The following NXPE2 variants were observed in gnomAD, a reference collection of about 807,000 sequenced individuals.
The protein encoded by NXPE2 is neurexophilin and PC-esterase domain family member 2, also known as NXPE family member 2.
In NXPE2, 34 loss-of-function variants were observed where a neutral mutation model predicts 34.4. The observed-to-expected ratio is 0.99, with a 90% confidence interval of 0.75 to 1.31. NXPE2 has a LOEUF of 1.31. Ranked by LOEUF, NXPE2 falls within the 40% of genes most tolerant of loss-of-function variation. The probability of loss-of-function intolerance (pLI) is 0.00; values close to 1 mark genes in which losing one functional copy is unlikely to be tolerated. For missense variants in NXPE2, 649 were observed against 672.5 expected (o/e 0.97, Z 0.39); for synonymous variants, 235 against 231.3 (o/e 1.02, Z -0.15).
chr11:114,632,664 T>G, the NXPE2 span, among the ~76,000 whole-genome samples: 1 of 84,388 alleles, frequency 1.2e-5, no homozygotes, highest in Non-Finnish European at 2.0e-5. Flanking sequence ...AATAAATATA[T>G]AGTATATATA....
the NXPE2 span, among the ~76,000 whole-genome samples, chr11:114,490,874 T>C: frequency 4.0e-5 from 6 of 151,208 alleles, no homozygotes; most frequent in African/African-American, 1.5e-4. Flanking sequence ...AACTAAAGAG[T>C]TTCTGCGGCC....
the NXPE2 span, among the ~76,000 whole-genome samples, chr11:114,777,886 G>C: frequency 6.6e-6 from 1 of 152,174 alleles, no homozygotes; most frequent in Non-Finnish European, 1.5e-5. Context: ...GTGGAGATTA[G>C]AACACTGTTT....
chr11:114,760,511 G>A, the NXPE2 span, among the ~76,000 whole-genome samples: 16 of 152,226 alleles, frequency 1.1e-4, no homozygotes, highest in Middle Eastern at 6.8e-3. Context: ...GGGATTTTCC[G>A]CACTGCTCTG....
At chr11:114,703,710 TAGATAGAC>T (rs1565391195) in intron 3 of NXPE2, among the ~76,000 whole-genome samples, 4 of 64,742 alleles carry the variant, frequency 6.2e-5, no homozygotes, top group South Asian at 5.6e-4. Context: ...GATAGATAGA[TAGATAGAC>T]AGACAGACAG....
At chr11:114,804,449 T>C in the NXPE2 span, among the ~76,000 whole-genome samples, 1 of 152,258 alleles carries the variant, frequency 6.6e-6, no homozygotes, top group Non-Finnish European at 1.5e-5. Flanking sequence ...ACAACATCAA[T>C]AGACAATTAA....
chr11:114,648,802 T>G, the NXPE2 span, among the ~76,000 whole-genome samples: 6 of 152,230 alleles, frequency 3.9e-5, no homozygotes, highest in African/African-American at 1.4e-4. Flanking sequence ...ATGTTTACTC[T>G]TCTTGATAGT....
the NXPE2 span, among the ~76,000 whole-genome samples, chr11:114,734,399 A>G: frequency 3.9e-5 from 6 of 151,904 alleles, no homozygotes; most frequent in African/African-American, 1.4e-4. Flanking sequence ...TAGGGTAAAG[A>G]TTATTATTCT....
the NXPE2 span, among the ~76,000 whole-genome samples, chr11:114,791,999 A>C: frequency 6.6e-6 from 1 of 152,186 alleles, no homozygotes; most frequent in African/African-American, 2.4e-5. Context: ...CGGAGCTTGC[A>C]GTGAGCCGAG....
chr11:114,777,494 T>C, the NXPE2 span, among the ~76,000 whole-genome samples: 1 of 152,196 alleles, frequency 6.6e-6, no homozygotes, highest in South Asian at 2.1e-4. Flanking sequence ...CAGGTTGTGC[T>C]CTTTCCTAGT....
chr11:114,621,877 G>A, the NXPE2 span, among the ~76,000 whole-genome samples: 1 of 151,796 alleles, frequency 6.6e-6, no homozygotes, highest in Non-Finnish European at 1.5e-5. Context: ...TTACCTGCTG[G>A]ATAATAAGTA....
At chr11:114,566,560 T>G in the NXPE2 span, among the ~76,000 whole-genome samples, 1 of 152,246 alleles carries the variant, frequency 6.6e-6, no homozygotes, top group South Asian at 2.1e-4. Flanking sequence ...ATTTAGAACA[T>G]AAACCCAACT....
the NXPE2 span, chr11:114,522,046 T>G: frequency 6.2e-6 from 10 of 1,613,806 alleles, no homozygotes; most frequent in Non-Finnish European, 6.8e-6. Flanking sequence ...CAGTGCCATA[T>G]GCAATGGTCA....
chr11:114,725,749 G>A, the NXPE2 span, among the ~76,000 whole-genome samples: 1 of 151,526 alleles, frequency 6.6e-6, no homozygotes, highest in Non-Finnish European at 1.5e-5. Flanking sequence ...AGCTCAAACT[G>A]CAAACCTTGT....
chr11:114,530,589 C>T, the NXPE2 span: 6 of 1,614,150 alleles, frequency 3.7e-6, no homozygotes, highest in East Asian at 2.2e-5. Context: ...CATCCTGGCC[C>T]TCAGGAAATC....
the NXPE2 span, among the ~76,000 whole-genome samples, chr11:114,626,921 G>A: frequency 0.081 from 12,267 of 151,170 alleles, 563 homozygotes; most frequent in Middle Eastern, 0.19. Context: ...GGGTATCAGT[G>A]ATGGAAGATG....
chr11:114,489,384 G>A, the NXPE2 span, among the ~76,000 whole-genome samples: 20 of 152,232 alleles, frequency 1.3e-4, no homozygotes, highest in East Asian at 1.9e-4. Context: ...TGATACCAAA[G>A]CCTGGCAGAG....
At chr11:114,752,300 T>C in the NXPE2 span, among the ~76,000 whole-genome samples, 1 of 152,314 alleles carries the variant, frequency 6.6e-6, no homozygotes, top group Admixed American at 6.5e-5. Context: ...GGAGATGAGT[T>C]AGAGGCAGTG....
the NXPE2 span, among the ~76,000 whole-genome samples, chr11:114,557,661 AT>A: frequency 9.8e-6 from 1 of 102,066 alleles, no homozygotes; most frequent in Non-Finnish European, 2.0e-5. Flanking sequence ...ATATATATAT[AT>A]ATATATATAT....
intron 2 of NXPE2, among the ~76,000 whole-genome samples, chr11:114,697,200 T>A (rs185426505): frequency 6.6e-6 from 1 of 152,270 alleles, no homozygotes; most frequent in African/African-American, 2.4e-5. Context: ...GGGCTCAAGA[T>A]GAGATCATCC....
Sources: allele counts gnomAD v4.1 joint callset (sites outside exome capture counted in the v4.1 genomes callset), GRCh38; gene constraint gnomAD v4.1.1; transcripts MANE v1.5; gene names NCBI Gene and HGNC (gene_info 2026-07-23, HGNC 2026-07-21).